ZNF608: variants seen among roughly 807,000 people sequenced by gnomAD.
ZNF608 encodes the protein renal carcinoma antigen NY-REN-36.
Under a neutral mutation model 109.0 loss-of-function variants are expected in ZNF608, and 12 were observed. The ratio of observed to expected loss-of-function variants is 0.11; its 90% CI spans 0.07 to 0.18. ZNF608 has a LOEUF of 0.18. Ranked by LOEUF, ZNF608 falls within the 10% of genes least tolerant of loss-of-function variation. The pLI is 1.00. For missense variants in ZNF608, 1,707 were observed against 1,879.3 expected (o/e 0.91, Z 1.70); for synonymous variants, 732 against 717.4 (o/e 1.02, Z -0.33).
intron 2 of ZNF608, among the ~76,000 whole-genome samples, chr5:124,707,130 T>G (rs1449439921): frequency 2.6e-5 from 4 of 152,270 alleles, no homozygotes; most frequent in Non-Finnish European, 5.9e-5. Context: ...GGACAGCTTT[T>G]CATCACTGGG....
chr5:124,689,879 C>A (rs1253322780), intron 3 of ZNF608, among the ~76,000 whole-genome samples: 1 of 152,188 alleles, frequency 6.6e-6, no homozygotes, highest in Non-Finnish European at 1.5e-5. Flanking sequence ...CTGGTATTTA[C>A]CCAAAGCAGT....
intron 3 of ZNF608, among the ~76,000 whole-genome samples, chr5:124,699,625 A>G (rs930493657): frequency 7.2e-5 from 11 of 152,164 alleles, no homozygotes; most frequent in Non-Finnish European, 1.6e-4. Flanking sequence ...AAATATTTTT[A>G]TTTAACTACG....
At chr5:124,698,583 TG>T (rs1411940927) in intron 3 of ZNF608, among the ~76,000 whole-genome samples, 1 of 152,224 alleles carries the variant, frequency 6.6e-6, no homozygotes, top group African/African-American at 2.4e-5. Flanking sequence ...CAGAAATGGA[TG>T]GAACAGAGCA....
At chr5:124,737,302 G>C (rs921814659) in intron 2 of ZNF608, among the ~76,000 whole-genome samples, 5 of 152,096 alleles carry the variant, frequency 3.3e-5, no homozygotes, top group African/African-American at 1.2e-4. Flanking sequence ...TTTTCTTAAG[G>C]TGCTAGCTGA....
At chr5:124,716,498 G>A (rs1753710824) in intron 2 of ZNF608, among the ~76,000 whole-genome samples, 1 of 152,122 alleles carries the variant, frequency 6.6e-6, no homozygotes, top group African/African-American at 2.4e-5. Context: ...AAAAAGTAGT[G>A]CTCATGTCAA....
Position 124,701,134 on chromosome 5 carries a change from G to C in ZNF608, c.1042C>G (p.Arg348Gly), listed in dbSNP as rs1378869388. 6.2e-7 allele frequency: 1 copy of C among 1,614,076 alleles called. No individual in the cohort carries two copies. The highest frequency in any genetic ancestry group is 1.1e-5 in the South Asian group (1 of 91,078). Residue 348 changes from arginine (R) to glycine (G), a missense_variant, in exon 3 of 10, where the codon CGT becomes GGT. Around this residue, in one of 7 missense-constraint regions of ZNF608, gnomAD observed 407 missense variants for 398.7 expected, o/e 1.02. Coordinates refer to ENST00000513986, the MANE Select transcript of ZNF608 (RefSeq NM_020747.3). ...APVEQLLVRT[R>G]SVGVNTCEVG... ...TCACATGTATTGACACCCACAGAACGAGTCCGAACCAAAAGCTGTTCAACC... is the reference window on the plus strand; with the variant it reads ...TCACATGTATTGACACCCACAGAACCAGTCCGAACCAAAAGCTGTTCAACC...
At chr5:124,670,276 A>G (rs1751659468) in intron 3 of ZNF608, among the ~76,000 whole-genome samples, 1 of 152,100 alleles carries the variant, frequency 6.6e-6, no homozygotes, top group Non-Finnish European at 1.5e-5. Flanking sequence ...TTAAGATAAA[A>G]TGATGTGCTA....
intron 3 of ZNF608, among the ~76,000 whole-genome samples, chr5:124,655,343 CT>C (rs1241981651): frequency 1.3e-5 from 2 of 152,192 alleles, no homozygotes; most frequent in Non-Finnish European, 2.9e-5. Context: ...TTAAAGACTG[CT>C]TCAGAGTCTT....
intron 3 of ZNF608, among the ~76,000 whole-genome samples, chr5:124,692,569 C>T (rs1752666819): frequency 6.6e-6 from 1 of 152,160 alleles, no homozygotes. Context: ...AAAATAAACT[C>T]CAGTTATTAC....
chr5:124,638,894 A>C (rs1444185966), intron 9 of ZNF608: 1 of 926,504 alleles, frequency 1.1e-6, no homozygotes, highest in African/African-American at 1.7e-5. Flanking sequence ...AACCCAAGAA[A>C]ATTTCAACTG....
chr5:124,668,206 A>C (rs1354369054), intron 3 of ZNF608, among the ~76,000 whole-genome samples: 2 of 144,030 alleles, frequency 1.4e-5, no homozygotes, highest in Non-Finnish European at 3.0e-5. Context: ...ATATATATAT[A>C]TATATATATA....
At chr5:124,743,592 A>C (rs577880976) in intron 2 of ZNF608, among the ~76,000 whole-genome samples, 29 of 152,382 alleles carry the variant, frequency 1.9e-4, no homozygotes, top group African/African-American at 5.8e-4. Flanking sequence ...TGTAAATTCG[A>C]ATCCTCGACA....
intron 2 of ZNF608, among the ~76,000 whole-genome samples, chr5:124,730,874 G>A (rs1561589395): frequency 1.3e-5 from 2 of 152,254 alleles, no homozygotes; most frequent in East Asian, 1.9e-4. Context: ...TTTGTATTTC[G>A]GGGGGTTGTT....
intron 3 of ZNF608, among the ~76,000 whole-genome samples, chr5:124,650,997 T>A (rs539679607): frequency 2.7e-4 from 41 of 152,352 alleles, no homozygotes; most frequent in Non-Finnish European, 4.1e-4. Flanking sequence ...CTTTCCAAAG[T>A]CTCAAAAGGA....
upstream of ZNF608, among the ~76,000 whole-genome samples, chr5:124,747,167 T>TC (rs1351021722): frequency 6.7e-6 from 1 of 150,374 alleles, no homozygotes; most frequent in Non-Finnish European, 1.5e-5. Context: ...GTTTTTGTTT[T>TC]CTTTTTTTTT....
intron 3 of ZNF608, among the ~76,000 whole-genome samples, chr5:124,657,200 G>A (rs1450328923): frequency 6.6e-6 from 1 of 152,082 alleles, no homozygotes. Flanking sequence ...GCAGAAATAA[G>A]ACTTTTATAA....
chr5:124,705,150 C>A (rs1297094421), intron 2 of ZNF608, among the ~76,000 whole-genome samples: 1 of 152,216 alleles, frequency 6.6e-6, no homozygotes, highest in Non-Finnish European at 1.5e-5. Flanking sequence ...CCACTGCACC[C>A]TGGTTTCTCA....
chr5:124,638,131 G>C (rs1750062416), intron 9 of ZNF608, among the ~76,000 whole-genome samples: 1 of 151,978 alleles, frequency 6.6e-6, no homozygotes, highest in African/African-American at 2.4e-5. Flanking sequence ...TATGTTTTTA[G>C]TAGAGAGGGG....
At chr5:124,685,868 T>C (rs1432903367) in intron 3 of ZNF608, among the ~76,000 whole-genome samples, 2 of 152,180 alleles carry the variant, frequency 1.3e-5, no homozygotes, top group African/African-American at 4.8e-5. Context: ...GATTCCCCCA[T>C]ACTTCATTTT....
Sources: gnomAD v4.1 joint callset for allele counts (sites outside exome capture counted in the v4.1 genomes callset) on GRCh38, gnomAD v4.1.1 for gene constraint, gnomAD v4.1.1 regional missense constraint, MANE v1.5 for transcripts, NCBI Gene and HGNC (gene_info 2026-07-23, HGNC 2026-07-21) for gene names.